The following SLCO5A1 variants were observed in gnomAD, a reference collection of about 807,000 sequenced individuals.
SLCO5A1 encodes organic anion transporter polypeptide-related protein 4.
In SLCO5A1, 39 loss-of-function variants were observed where a neutral mutation model predicts 65.1. The observed-to-expected ratio is 0.60, with a 90% CI of 0.46 to 0.78. SLCO5A1 has a LOEUF of 0.78. Among genes scored for constraint, SLCO5A1 ranks in the 30% least tolerant of loss-of-function variants. SLCO5A1 has a pLI of 0.00. For missense variants in SLCO5A1, 1,029 were observed against 1,069.4 expected, an observed-to-expected ratio of 0.96 and a Z score of 0.53; for synonymous variants, 438 against 415.7, an observed-to-expected ratio of 1.05 and a Z score of -0.65.
At chr8:69,728,489 A>G (rs1202918057) in intron 5 of SLCO5A1, among the ~76,000 whole-genome samples, 5 of 152,228 alleles carry the variant, frequency 3.3e-5, no homozygotes, top group African/African-American at 4.8e-5. Context: ...ACATCACAAT[A>G]TATCAGATAT....
At chr8:69,828,379 G>C (rs972285224) in intron 2 of SLCO5A1, among the ~76,000 whole-genome samples, 59 of 152,172 alleles carry the variant, frequency 3.9e-4, no homozygotes, top group African/African-American at 1.2e-3. Flanking sequence ...AAGGCGGGTG[G>C]ATCACGAGGT....
intron 5 of SLCO5A1, among the ~76,000 whole-genome samples, chr8:69,735,073 TCAA>T (rs1816498217): frequency 6.6e-6 from 1 of 152,078 alleles, no homozygotes; most frequent in African/African-American, 2.4e-5. Flanking sequence ...TGAAAAAAGC[TCAA>T]CATCACTGAT....
At chr8:69,795,783 C>G (rs934250035) in intron 2 of SLCO5A1, among the ~76,000 whole-genome samples, 9 of 152,230 alleles carry the variant, frequency 5.9e-5, no homozygotes, top group Non-Finnish European at 1.2e-4. Context: ...AGTAAATGGT[C>G]TCCATGAGGG....
rs1000011643 is a variant in SLCO5A1, at chr8:69,733,336, T to G, written c.1423+4704A>C. Among the ~76,000 whole-genome samples, 6 of 152,320 alleles carry G rather than the reference T, an allele frequency of 3.9e-5. No homozygotes were observed. The South Asian group carries it at 1.2e-3, about 32-fold the overall frequency. ...AGCTTCAAAACAAATCACTATTCAC[T>G]ACTTCATTTGATCCTCACAACAATG... On this transcript the variant is annotated intron_variant, in intron 5 of 9. Transcript: ENST00000260126.
intron 3 of SLCO5A1, chr8:69,761,237 G>C (rs1263520214): frequency 1.3e-5 from 2 of 158,264 alleles, no homozygotes; most frequent in African/African-American, 4.8e-5. Flanking sequence ...GTGGCTTCAG[G>C]CAACACAATC....
chr8:69,767,756 G>A (rs540069519), intron 2 of SLCO5A1, among the ~76,000 whole-genome samples: 36 of 151,818 alleles, frequency 2.4e-4, no homozygotes, highest in African/African-American at 7.2e-4. Flanking sequence ...CAGGCATGGC[G>A]GCAGGCACCT....
chr8:69,766,178 C>G (rs1818051164), intron 2 of SLCO5A1, among the ~76,000 whole-genome samples: 1 of 152,148 alleles, frequency 6.6e-6, no homozygotes, highest in African/African-American at 2.4e-5. Context: ...CTGCCCTAGG[C>G]CTTCCAGCTG....
At chr8:69,760,760 G>T (rs1817735181) in intron 3 of SLCO5A1, among the ~76,000 whole-genome samples, 1 of 152,148 alleles carries the variant, frequency 6.6e-6, no homozygotes, top group Non-Finnish European at 1.5e-5. Flanking sequence ...AGGACTGCAA[G>T]AACTCAAACG....
chr8:69,741,953 TGG>T (rs1034067377), intron 4 of SLCO5A1, among the ~76,000 whole-genome samples: 7 of 152,214 alleles, frequency 4.6e-5, no homozygotes, highest in Non-Finnish European at 1.0e-4. Flanking sequence ...TGGGCATTAT[TGG>T]GATAATCAGC....
chr8:69,715,903 C>G (rs1424647314), intron 5 of SLCO5A1, among the ~76,000 whole-genome samples: 2 of 152,070 alleles, frequency 1.3e-5, no homozygotes, highest in Non-Finnish European at 2.9e-5. Context: ...CAGAAACATG[C>G]AATCATCACT....
At chr8:69,803,590 C>A (rs1338542730) in intron 2 of SLCO5A1, among the ~76,000 whole-genome samples, 1 of 152,224 alleles carries the variant, frequency 6.6e-6, no homozygotes, top group African/African-American at 2.4e-5. Flanking sequence ...CATAGCGTCA[C>A]TGGACCCTTT....
intron 2 of SLCO5A1, among the ~76,000 whole-genome samples, chr8:69,772,630 AAAG>A (rs1818377913): frequency 2.7e-5 from 4 of 150,214 alleles, no homozygotes; most frequent in African/African-American, 4.9e-5. Flanking sequence ...AAAGGAAAGG[AAAG>A]GAAAGGAAAG....
At chr8:69,754,653 T>C (rs1449917780) in intron 4 of SLCO5A1, among the ~76,000 whole-genome samples, 1 of 152,240 alleles carries the variant, frequency 6.6e-6, no homozygotes, top group Non-Finnish European at 1.5e-5. Flanking sequence ...AAGGGACTTA[T>C]TGTCATTCAA....
chr8:69,676,349 T>A (rs7007005), intron 9 of SLCO5A1, among the ~76,000 whole-genome samples: 1 of 152,018 alleles, frequency 6.6e-6, no homozygotes, highest in Non-Finnish European at 1.5e-5. Flanking sequence ...CTGTGCAAAA[T>A]TCTGGGGAAT....
At position 69,761,525 on chromosome 8, in the gene SLCO5A1, G is replaced by T. The variant is rs1213107114; in HGVS notation, c.1040+218C>A. ...AATATCAGAGTCCTTAATCACATCT[G>T]CAAAGTCCCTCTTGCCATGTAAGAT... On this transcript the variant is annotated intron_variant, in intron 3 of 9. Coordinates refer to ENST00000260126, the MANE Select transcript of SLCO5A1 (RefSeq NM_030958.3). The T allele has an allele frequency of 7.5e-6, 4 of 533,450 alleles. No homozygotes were observed. In the African/African-American group the frequency reaches 7.7e-5, roughly 10 times the overall value. The allele number at this position is 533,450 out of a possible 1,614,324, so 33.0% of individuals were successfully genotyped here.
Position 69,671,196 on chromosome 8 carries a change from T to G in SLCO5A1, c.*1673A>C, listed in dbSNP as rs1420203313. The stretch of plus-strand genomic sequence containing the variant: ...ACTGTATGCAACCAAGAGAACTGTT[T>G]GACCAATGTCATTCCTAGGAAGAGA... On this transcript the variant is annotated 3_prime_UTR_variant, in exon 10 of 10. Coordinates refer to ENST00000260126, the MANE Select transcript of SLCO5A1 (RefSeq NM_030958.3). 3 of 152,236 alleles carry G rather than the reference T, an allele frequency of 2.0e-5. No homozygotes were observed. The highest frequency in any genetic ancestry group is 4.4e-5 in the Non-Finnish European group (3 of 68,070). 9.4% of individuals were successfully genotyped at this position (152,236 alleles called of 1,614,324 possible). A position where few individuals can be genotyped will look rare whatever the true frequency, so the allele number is the denominator to read the frequency against.
intron 2 of SLCO5A1, among the ~76,000 whole-genome samples, chr8:69,811,942 C>A (rs1317396564): frequency 6.6e-6 from 1 of 152,182 alleles, no homozygotes; most frequent in Non-Finnish European, 1.5e-5. Context: ...ACTCTCTTAA[C>A]AAACAACTAC....
At chr8:69,700,688 AG>A (rs1814696041) in intron 6 of SLCO5A1, among the ~76,000 whole-genome samples, 1 of 152,060 alleles carries the variant, frequency 6.6e-6, no homozygotes, top group African/African-American at 2.4e-5. Flanking sequence ...GAAAAAGAAA[AG>A]CCAGACTTCC....
At chr8:69,676,296 G>T (rs1014250101) in intron 9 of SLCO5A1, among the ~76,000 whole-genome samples, 7 of 152,114 alleles carry the variant, frequency 4.6e-5, no homozygotes, top group Non-Finnish European at 8.8e-5. Flanking sequence ...CAAAATGCTA[G>T]GATTACAAAT....
Sources: allele counts gnomAD v4.1 joint callset (sites outside exome capture counted in the v4.1 genomes callset), GRCh38; gene constraint gnomAD v4.1.1; transcripts MANE v1.5; gene names NCBI Gene and HGNC (gene_info 2026-07-23, HGNC 2026-07-21).